The following FBXO9 variants were observed in gnomAD, a reference collection of about 807,000 sequenced individuals.
FBXO9 encodes F-box protein 9.
Under a neutral mutation model 63.7 loss-of-function variants are expected in FBXO9, and 43 were observed. The observed-to-expected ratio is 0.67, with a 90% CI of 0.53 to 0.87. The LOEUF is 0.87. FBXO9 is among the 40% of genes least tolerant of loss of function. The pLI, the probability that FBXO9 is intolerant of heterozygous loss-of-function variation, is 0.00. For missense variants in FBXO9, 442 were observed against 533.2 expected (o/e 0.83, Z 1.68); for synonymous variants, 156 against 171.7 (o/e 0.91, Z 0.72).
At chr6:53,065,075 C>G (rs1430575079), upstream of FBXO9, 1 of 152,288 alleles carries the variant, frequency 6.6e-6, no homozygotes, top group Non-Finnish European at 1.5e-5. Flanking sequence ...TGTTTTCCTG[C>G]ATTCCTGGCG....
rs1763303614 is a variant in FBXO9 at position 53,099,799 on chromosome 6, A to C, written c.*1969A>C. On this transcript the variant is annotated 3_prime_UTR_variant, in exon 13 of 13. Coordinates refer to ENST00000323557, the MANE Select transcript of FBXO9 (RefSeq NM_033480.3). ...TAGCAATCTGAGAAGTGTGTTTTTCAAGTTGGAAAGGAAGGAGAAAAGCAA... is the reference window on the plus strand; with the variant it reads ...TAGCAATCTGAGAAGTGTGTTTTTCCAGTTGGAAAGGAAGGAGAAAAGCAA... 6.6e-6 allele frequency: 1 copy of C among 152,218 alleles called. No homozygotes were observed. Among genetic ancestry groups the C allele is most frequent in the Non-Finnish European group, 1.5e-5 (1 of 68,048 alleles). 9.4% of individuals were successfully genotyped at this position (152,218 alleles called of 1,614,324 possible). A position where few individuals can be genotyped will look rare whatever the true frequency, so the allele number is the denominator to read the frequency against.
chr6:53,092,877 G>C, intron 9 of FBXO9, 53 bp downstream of exon 9: 12 of 1,200,706 alleles, frequency 1.0e-5, no homozygotes, highest in Non-Finnish European at 1.4e-5. Context: ...CCATGTATTA[G>C]TTAAATGGAC....
intron 7 of FBXO9, among the ~76,000 whole-genome samples, chr6:53,083,012 C>A (rs952810869): frequency 6.6e-6 from 1 of 152,058 alleles, no homozygotes; most frequent in Non-Finnish European, 1.5e-5. Flanking sequence ...AAAAGTTATT[C>A]TATATTTTGA....
intron 7 of FBXO9, 157 bp from the exon 8 acceptor site, chr6:53,092,270 AAG>A: frequency 1.7e-6 from 1 of 575,492 alleles, no homozygotes; most frequent in Non-Finnish European, 3.1e-6. Context: ...CCCACAGTAA[AAG>A]AGCAGGGCCT....
chr6:53,091,461 C>T (rs2127498303), intron 7 of FBXO9: 1 of 152,396 alleles, frequency 6.6e-6, no homozygotes, highest in East Asian at 1.9e-4. Flanking sequence ...CTCCGTCTCC[C>T]AGGTTCAAGC....
chr6:53,089,648 C>T (rs1008743646), intron 7 of FBXO9, among the ~76,000 whole-genome samples: 4 of 152,166 alleles, frequency 2.6e-5, no homozygotes, highest in Non-Finnish European at 5.9e-5. Context: ...AGACACTTTT[C>T]TTTACACCAG....
chr6:53,093,245 T>C (rs1236731107), intron 9 of FBXO9: 4 of 447,596 alleles, frequency 8.9e-6, no homozygotes, highest in Middle Eastern at 5.9e-4. Context: ...AACTTAAAAG[T>C]TCAACAGTTT....
At chr6:53,083,933 A>G (rs966440279) in intron 7 of FBXO9, among the ~76,000 whole-genome samples, 5 of 152,250 alleles carry the variant, frequency 3.3e-5, no homozygotes, top group Non-Finnish European at 5.9e-5. Flanking sequence ...AATGATTAGC[A>G]ACTAGGAGTC....
chr6:53,100,676 G>A lies in FBXO9; in HGVS notation c.*2846G>A, dbSNP rs1162506593. ...ATGGTATTTATCTTTTGATTATTCT[G>A]TGCATCTATAAAAATGGGATTATAT... On this transcript the variant is annotated 3_prime_UTR_variant, in exon 13 of 13. Coordinates refer to ENST00000323557, the MANE Select transcript of FBXO9 (RefSeq NM_033480.3). 1.3e-5 allele frequency: 2 copies of A among 152,062 alleles called. No homozygotes were observed. Among genetic ancestry groups the A allele is most frequent in the Admixed American group, 1.3e-4 (2 of 15,280 alleles). The allele number at this position is 152,062 out of a possible 1,614,324, so 9.4% of individuals were successfully genotyped here. A position where few individuals can be genotyped will look rare whatever the true frequency, so the allele number is the denominator to read the frequency against.
chr6:53,077,905 T>C (rs189455123), intron 4 of FBXO9, among the ~76,000 whole-genome samples: 3 of 152,274 alleles, frequency 2.0e-5, no homozygotes, highest in Non-Finnish European at 4.4e-5. Flanking sequence ...AAAGAACTAG[T>C]CAGCCTCTAC....
At chr6:53,093,372 A>T (rs978058511) in intron 9 of FBXO9, 94 bp from the exon 10 acceptor site, 47 of 750,676 alleles carry the variant, frequency 6.3e-5, no homozygotes, top group Non-Finnish European at 7.8e-5. Context: ...TGTTGGTTTC[A>T]TAGCTATGAA....
intron 7 of FBXO9, among the ~76,000 whole-genome samples, chr6:53,086,593 A>G (rs998184656): frequency 5.3e-5 from 8 of 152,258 alleles, no homozygotes; most frequent in Non-Finnish European, 1.2e-4. Context: ...ATCCAGGGTT[A>G]TATGTCTACA....
rs780082587 is a variant in FBXO9 at position 53,078,812 on chromosome 6, T to G, written c.321T>G (p.Tyr107Ter). 3.7e-6 allele frequency: 6 copies of G among 1,612,786 alleles called. No individual in the cohort carries two copies. The South Asian group carries it at 6.6e-5, about 18-fold the overall frequency. Residue 107 changes from tyrosine to a stop codon, truncating the protein, a stop_gained, in exon 5 of 13, where the codon TAT (tyrosine) becomes TAG (stop). Coordinates refer to ENST00000323557, the MANE Select transcript of FBXO9 (RefSeq NM_033480.3). LOFTEE classifies it high-confidence loss of function. ...TTCTTCTTTTAGCCATCAAGTTTTA[T>G]CGTAGGGCTATGCAACTTGTACCTG... Reference protein sequence around the residue: ...NGALYEAIKFYRRAMQLVPDI... With the variant: ...NGALYEAIKF
chr6:53,078,592 T>A (rs1769199807), intron 4 of FBXO9, among the ~76,000 whole-genome samples: 1 of 152,150 alleles, frequency 6.6e-6, no homozygotes, highest in Non-Finnish European at 1.5e-5. Flanking sequence ...AAGAGTAAAA[T>A]ACAACATCTT....
At position 53,100,112 on chromosome 6, in the gene FBXO9, A is replaced by G. The variant is rs1007754968; in HGVS notation, c.*2282A>G. 6 of 152,228 alleles carry G rather than the reference A, an allele frequency of 3.9e-5. No individual in the cohort carries two copies. Among genetic ancestry groups the G allele is most frequent in the African/African-American group, 1.4e-4 (6 of 41,470 alleles). 9.4% of individuals were successfully genotyped at this position (152,228 alleles called of 1,614,324 possible). A position where few individuals can be genotyped will look rare whatever the true frequency, so the allele number is the denominator to read the frequency against. On this transcript the variant is annotated 3_prime_UTR_variant, in exon 13 of 13. Coordinates refer to ENST00000323557, the MANE Select transcript of FBXO9 (RefSeq NM_033480.3). ...CTTTTTTCCAGATTACATTTTCTGTATATTTGTAAAATGCAAAAGCAATAT... is the reference window on the plus strand; with the variant it reads ...CTTTTTTCCAGATTACATTTTCTGTGTATTTGTAAAATGCAAAAGCAATAT...
intron 7 of FBXO9, among the ~76,000 whole-genome samples, chr6:53,087,805 C>A (rs1007047540): frequency 6.6e-6 from 1 of 152,168 alleles, no homozygotes; most frequent in African/African-American, 2.4e-5. Flanking sequence ...AAGAAAACTT[C>A]ATTGTTCTAA....
chr6:53,091,064 A>C (rs1763026324), intron 7 of FBXO9: 1 of 152,124 alleles, frequency 6.6e-6, no homozygotes, highest in South Asian at 2.1e-4. Context: ...CACTATGCTG[A>C]CTGGGTGTCC....
intron 4 of FBXO9, among the ~76,000 whole-genome samples, chr6:53,077,031 T>G (rs926447478): frequency 6.8e-4 from 104 of 152,318 alleles, no homozygotes; most frequent in Non-Finnish European, 1.0e-3. Flanking sequence ...TAGTTATTCT[T>G]CATTAATAAA....
chr6:53,065,519 C>A lies in FBXO9; in HGVS notation c.-271C>A, dbSNP rs919469361. 5.2e-6 allele frequency: 2 copies of A among 386,714 alleles called. No individual in the cohort carries two copies. The highest frequency in any genetic ancestry group is 9.2e-6 in the Non-Finnish European group (2 of 217,880). 24.0% of individuals were successfully genotyped at this position (386,714 alleles called of 1,614,324 possible). A position where few individuals can be genotyped will look rare whatever the true frequency, so the allele number is the denominator to read the frequency against. On this transcript the variant is annotated 5_prime_UTR_variant, in exon 1 of 13. Transcript: ENST00000323557. ...TCGCACAATCCCCCGCCTCGGCTGG[C>A]AACGGGCGTCCCTCCACTCCCCGAG...
Sources: gnomAD v4.1 joint callset for allele counts (sites outside exome capture counted in the v4.1 genomes callset) on GRCh38, gnomAD v4.1.1 for gene constraint, MANE v1.5 for transcripts, NCBI Gene and HGNC (gene_info 2026-07-23, HGNC 2026-07-21) for gene names.